The following ADGRA2 variants were observed in gnomAD, a reference collection of about 807,000 sequenced individuals.
ADGRA2 encodes G-protein coupled receptor 124.
A neutral mutation model predicts 98.7 loss-of-function variants in ADGRA2; 61 were observed. The observed-to-expected ratio is 0.62, with a 90% CI of 0.50 to 0.76. The LOEUF (loss-of-function observed/expected upper bound fraction) is 0.76, where lower values mean the gene tolerates loss of function less well. ADGRA2 is among the 30% of genes least tolerant of loss of function. The pLI, the probability that ADGRA2 is intolerant of heterozygous loss-of-function variation, is 0.00. For synonymous variants in ADGRA2, 858 were observed against 831.5 expected, an observed-to-expected ratio of 1.03 and a Z score of -0.55; for missense variants, 1,712 against 1,860.0, an observed-to-expected ratio of 0.92 and a Z score of 1.46.
rs181568758 is a variant in ADGRA2 at position 37,798,648 on chromosome 8, G to A, written c.266+1114G>A. Among the ~76,000 whole-genome samples, 329 of 152,370 alleles carry A rather than the reference G, an allele frequency of 2.2e-3. 2 individuals are homozygous for A. Among genetic ancestry groups the A allele is most frequent in the Admixed American group, 0.021 (319 of 15,304 alleles). ...CTTTCCCTGTCCTCCTGACCCCAGT[G>A]GCAACCGTTTCTCCACCGCCCCTTG... On this transcript the variant is annotated intron_variant, in intron 1 of 18. Coordinates refer to ENST00000412232, the MANE Select transcript of ADGRA2 (RefSeq NM_032777.10).
Position 37,844,502 on chromosome 8 carries a change from AG to A in ADGRA2, c.*2150del, listed in dbSNP as rs1805911977. ...CAGTGGATATCCATCAGGGAGGGTT[AG>A]GGACACTCGTGGCAGCCTGTCTAGC... On this transcript the variant is annotated 3_prime_UTR_variant, in exon 19 of 19. Transcript: ENST00000412232. The A allele has an allele frequency of 3.1e-6, 5 of 1,612,868 alleles. No individual in the cohort carries two copies. Among genetic ancestry groups the A allele is most frequent in the Non-Finnish European group, 4.2e-6 (5 of 1,179,924 alleles).
intron 5 of ADGRA2, 54 bp downstream of exon 5, chr8:37,829,613 A>G (rs375023232): frequency 3.1e-6 from 4 of 1,288,306 alleles, no homozygotes; most frequent in Middle Eastern, 1.8e-4. Flanking sequence ...TTCTCTGCCC[A>G]GGAGAGATGT....
At chr8:37,824,662 T>C (rs991245773) in intron 2 of ADGRA2, among the ~76,000 whole-genome samples, 93 of 151,866 alleles carry the variant, frequency 6.1e-4, no homozygotes, top group African/African-American at 2.2e-3. Context: ...ACACGGCTAA[T>C]TTTTTGTATT....
Position 37,831,445 on chromosome 8 carries a change from G to A in ADGRA2, c.955G>A (p.Gly319Ser), listed in dbSNP as rs775651785. Reference protein sequence around the residue: ...ITSELTLSHIGVWASGEWECT... With the variant: ...ITSELTLSHISVWASGEWECT... The stretch of plus-strand genomic sequence containing the variant: ...CAGTGAGCTGACGCTGTCTCACATC[G>A]GCGTGTGGGCCTCAGGCGAGTGGGA... The change falls in exon 8 of 19, where the codon GGC (glycine) becomes AGC (serine). Residue 319 changes from glycine (G) to serine (S), a missense_variant. Transcript: ENST00000412232. The A allele has an allele frequency of 4.0e-5, 65 of 1,612,098 alleles. No homozygotes were observed. The highest frequency in any genetic ancestry group is 3.4e-4 in the South Asian group (31 of 91,086).
chr8:37,828,610 G>T (rs371128562), intron 2 of ADGRA2, among the ~76,000 whole-genome samples: 2 of 151,368 alleles, frequency 1.3e-5, no homozygotes, highest in African/African-American at 4.9e-5. Context: ...CCTAGCTGGG[G>T]CTACAGGTGC....
chr8:37,801,234 A>C (rs1472197559), intron 1 of ADGRA2, among the ~76,000 whole-genome samples: 2 of 152,128 alleles, frequency 1.3e-5, no homozygotes, highest in Non-Finnish European at 2.9e-5. Context: ...GTGGATTTTC[A>C]TTCGCAGTTT....
intron 17 of ADGRA2, 135 bp downstream of exon 17, chr8:37,840,401 T>A: frequency 1.1e-6 from 1 of 921,048 alleles, no homozygotes; most frequent in Non-Finnish European, 1.7e-6. Context: ...GGCTAGGCCC[T>A]AGACTCAGCA....
At chr8:37,826,924 G>T (rs1184009687) in intron 2 of ADGRA2, among the ~76,000 whole-genome samples, 1 of 152,130 alleles carries the variant, frequency 6.6e-6, no homozygotes, top group Non-Finnish European at 1.5e-5. Context: ...GGGCTGAGGG[G>T]TGGTAAGGCC....
chr8:37,829,224 C>T lies in ADGRA2; in HGVS notation c.411-37C>T, dbSNP rs61073578. Reference sequence around the variant, plus strand: ...TCACAAGTGGACCCACGTGCTGCCACGTGGCCAACATGCTGAGGTTGCCTG... The same window carrying T: ...TCACAAGTGGACCCACGTGCTGCCATGTGGCCAACATGCTGAGGTTGCCTG... On this transcript the variant is annotated intron_variant, in intron 3 of 18. Coordinates refer to ENST00000412232, the MANE Select transcript of ADGRA2 (RefSeq NM_032777.10). 581 of 1,544,764 alleles carry T rather than the reference C, an allele frequency of 3.8e-4. 1 individual carries two copies. Among genetic ancestry groups the T allele is most frequent in the East Asian group, 1.3e-3 (59 of 44,544 alleles).
chr8:37,832,985 G>T (rs1349637598), intron 8 of ADGRA2, 25 bp from the exon 9 acceptor site: 2 of 1,590,356 alleles, frequency 1.3e-6, no homozygotes, highest in South Asian at 2.2e-5. Flanking sequence ...CCGGTTCATC[G>T]GCAACTTCCT....
At chr8:37,807,519 G>T (rs1313773645) in intron 1 of ADGRA2, among the ~76,000 whole-genome samples, 1 of 152,150 alleles carries the variant, frequency 6.6e-6, no homozygotes, top group Non-Finnish European at 1.5e-5. Context: ...CTATATTTTA[G>T]AGGCAATGCT....
intron 1 of ADGRA2, among the ~76,000 whole-genome samples, chr8:37,798,852 T>C (rs963895492): frequency 5.9e-5 from 9 of 152,158 alleles, no homozygotes; most frequent in African/African-American, 2.4e-5. Context: ...TGTGTGTGCC[T>C]TAAGGGTGGA....
intron 1 of ADGRA2, among the ~76,000 whole-genome samples, chr8:37,801,335 G>T (rs1055816557): frequency 6.6e-6 from 1 of 152,190 alleles, no homozygotes; most frequent in Admixed American, 6.5e-5. Flanking sequence ...GGCAGCTGTG[G>T]GCACCCGTGC....
At chr8:37,835,505 G>C (rs1805583552) in intron 12 of ADGRA2, 49 bp from the exon 13 acceptor site, 1 of 1,497,058 alleles carries the variant, frequency 6.7e-7, no homozygotes, top group South Asian at 1.1e-5. Context: ...CAAGACATCA[G>C]TGCTCTAGGG....
Position 37,833,008 on chromosome 8 carries a change from A to G in ADGRA2, c.1098-2A>G. The G allele has an allele frequency of 6.2e-7, 1 of 1,610,532 alleles. No individual in the cohort carries two copies. Among genetic ancestry groups the G allele is most frequent in the Non-Finnish European group, 8.5e-7 (1 of 1,178,396 alleles). ...TCGGCAACTTCCTGCCTCTCCCCCC[A>G]GGTGGCCCCGAACTCTGGCTGGCAT... On this transcript the variant is annotated splice_acceptor_variant, in intron 8 of 18. Transcript: ENST00000412232. LOFTEE classifies it high-confidence loss of function.
chr8:37,834,476 G>A lies in ADGRA2; in HGVS notation c.1608+348G>A, dbSNP rs572345036. Among the ~76,000 whole-genome samples, 4 of 152,352 alleles carry A rather than the reference G, an allele frequency of 2.6e-5. No individual in the cohort carries two copies. In the East Asian group the frequency reaches 7.7e-4, roughly 29 times the overall value. On this transcript the variant is annotated intron_variant, in intron 11 of 18. Coordinates refer to ENST00000412232, the MANE Select transcript of ADGRA2 (RefSeq NM_032777.10). This position sits in a 1 kb window ranked among gnomAD's most constrained non-coding sequence, Gnocchi z 4.2. ...AGTAATGGAAGTTCCCTGAGAGAAG[G>A]TGAGTGCTCCAATCTGATAACAACC...
rs1805852872 is a variant in ADGRA2, at chr8:37,842,871, TAA to T, written c.*517_*518del. ...GCCCAGCACATGAAGCAGGTGATGT[TAA>T]GTCACAAGGTGCTGCTTTTCAGATC... On this transcript the variant is annotated 3_prime_UTR_variant, in exon 19 of 19. Transcript: ENST00000412232. 1 of 153,502 alleles carries T rather than the reference TAA, an allele frequency of 6.5e-6. No homozygotes were observed. Among genetic ancestry groups the T allele is most frequent in the South Asian group, 2.1e-4 (1 of 4,842 alleles). The allele number at this position is 153,502 out of a possible 1,614,324, so 9.5% of individuals were successfully genotyped here.
intron 2 of ADGRA2, among the ~76,000 whole-genome samples, chr8:37,827,315 C>T (rs1383855311): frequency 6.6e-6 from 1 of 152,262 alleles, no homozygotes; most frequent in Non-Finnish European, 1.5e-5. Context: ...CAGGCACCCA[C>T]CTTGGTCTTC....
At chr8:37,808,139 C>A (rs933154696) in intron 1 of ADGRA2, among the ~76,000 whole-genome samples, 1 of 152,224 alleles carries the variant, frequency 6.6e-6, no homozygotes, top group Non-Finnish European at 1.5e-5. Context: ...GGTGTGCCCC[C>A]TCTCTCTGGC....
Sources: gnomAD v4.1 joint callset for allele counts (sites outside exome capture counted in the v4.1 genomes callset) on GRCh38, gnomAD v4.1.1 for gene constraint, Gnocchi (gnomAD v3.1) non-coding constraint, MANE v1.5 for transcripts, NCBI Gene and HGNC (gene_info 2026-07-23, HGNC 2026-07-21) for gene names.